The following VWA5B1 variants were observed in gnomAD, a reference collection of about 807,000 sequenced individuals.
VWA5B1 encodes the protein von Willebrand factor A domain-containing protein 5B1.
A neutral mutation model predicts 118.2 loss-of-function variants in VWA5B1; 115 were observed. That is an observed-to-expected ratio of 0.97 (90% CI 0.84 to 1.14). The LOEUF (loss-of-function observed/expected upper bound fraction) is 1.14, where lower values mean the gene tolerates loss of function less well. Among genes scored for constraint, VWA5B1 ranks in the 50% most tolerant of loss-of-function variants. The pLI is 0.00. For synonymous variants in VWA5B1, 682 were observed against 658.4 expected, an observed-to-expected ratio of 1.04 and a Z score of -0.55; for missense variants, 1,596 against 1,603.8, an observed-to-expected ratio of 1.00 and a Z score of 0.08.
intron 17 of VWA5B1, among the ~76,000 whole-genome samples, chr1:20,347,764 A>C (rs2090038373): frequency 6.6e-6 from 1 of 152,008 alleles, no homozygotes; most frequent in African/African-American, 2.4e-5. Context: ...TGCCCAGCCC[A>C]GGGTGCTGTA....
intron 1 of VWA5B1, among the ~76,000 whole-genome samples, chr1:20,296,305 A>T (rs1417026323): frequency 6.6e-6 from 1 of 152,346 alleles, no homozygotes; most frequent in African/African-American, 2.4e-5. Flanking sequence ...CATGTCCATC[A>T]GTTTCTCCGT....
chr1:20,312,394 T>C lies in VWA5B1; in HGVS notation c.140-442T>C, dbSNP rs566915520. ...GTGGTGCCAGGAGGCCTAGAGAAGCTAAGTGTCTTATCCAAGGTCACCTGG... is the reference window on the plus strand; with the variant it reads ...GTGGTGCCAGGAGGCCTAGAGAAGCCAAGTGTCTTATCCAAGGTCACCTGG... On this transcript the variant is annotated intron_variant, in intron 2 of 21. Transcript: ENST00000289815. Among the ~76,000 whole-genome samples, 44 of 152,314 alleles carry C rather than the reference T, an allele frequency of 2.9e-4. 2 individuals carry two copies. The highest frequency in any genetic ancestry group is 2.5e-3 in the Admixed American group (38 of 15,306).
chr1:20,336,613 A>C, intron 13 of VWA5B1, 127 bp downstream of exon 13: 2 of 1,074,356 alleles, frequency 1.9e-6, no homozygotes, highest in Non-Finnish European at 2.4e-6. Context: ...CCCACTTTAC[A>C]GATGAGGAAA....
At chr1:20,319,276 A>T in intron 6 of VWA5B1, 106 bp from the exon 7 acceptor site, 1 of 1,470,410 alleles carries the variant, frequency 6.8e-7, no homozygotes, top group Non-Finnish European at 9.1e-7. Flanking sequence ...CCCGCTTCCA[A>T]ATGGGAGTCC....
intron 8 of VWA5B1, among the ~76,000 whole-genome samples, chr1:20,327,650 C>CGAT (rs1220933586): frequency 6.8e-5 from 10 of 147,404 alleles, no homozygotes; most frequent in African/African-American, 1.6e-4. Context: ...ACGACGACGA[C>CGAT]GATGATGATG....
At position 20,292,147 on chromosome 1, in the gene VWA5B1, T is replaced by C. The variant is rs76530989; in HGVS notation, c.-27+1059T>C. On this transcript the variant is annotated intron_variant, in intron 1 of 21. Coordinates refer to ENST00000289815, the MANE Select transcript of VWA5B1 (RefSeq NM_001039500.3). ...TTTCTCTTTTCTTTCCCTCTCTTTC[T>C]TTCTCTCTCTCTCTTTCTTTCCTCC... 5.6e-4 allele frequency among the ~76,000 whole-genome samples: 85 copies of C among 152,168 alleles called. 2 individuals are homozygous for C. In the East Asian group the frequency reaches 0.016, roughly 29 times the overall value.
Position 20,311,314 on chromosome 1 carries a change from G to A in VWA5B1, c.139+574G>A, listed in dbSNP as rs377407443. On this transcript the variant is annotated intron_variant, in intron 2 of 21. Transcript: ENST00000289815. ...AGTCCACAAGGCACACTGTCCACAG[G>A]TCAGTCCCACACTTTCTCCAGGGAG... 4.6e-4 allele frequency among the ~76,000 whole-genome samples: 70 copies of A among 152,320 alleles called. No homozygotes were observed. The East Asian group carries it at 0.012, about 26-fold the overall frequency.
rs745879850 is a variant in VWA5B1, at chr1:20,314,586, C to T, written c.557C>T (p.Ala186Val). ...TKSTGTSNQQAQGKDRHCFGA... is the reference protein window; with the variant it reads ...TKSTGTSNQQVQGKDRHCFGA... ...AGCACTGGCACCTCCAACCAACAGG[C>T]CCAGGGGTAAGGAAGCCCTGCCCAG... is the stretch of plus-strand genomic sequence containing the variant. The change falls in exon 4 of 22, where the codon GCC (alanine) becomes GTC (valine). Residue 186 changes from alanine to valine, a missense_variant. Ala to Val is a moderately conservative substitution (Grantham distance 64). Transcript: ENST00000289815. 7 of 1,551,144 alleles carry T rather than the reference C, an allele frequency of 4.5e-6. No individual in the cohort carries two copies. The highest frequency in any genetic ancestry group is 6.1e-6 in the Non-Finnish European group (7 of 1,146,898).
chr1:20,353,009 G>A (rs934077286), intron 21 of VWA5B1, among the ~76,000 whole-genome samples: 2 of 152,156 alleles, frequency 1.3e-5, no homozygotes, highest in Admixed American at 6.5e-5. Context: ...GGTCTGGTTT[G>A]GTTGGGGAGT....
At chr1:20,330,457 G>A in intron 10 of VWA5B1, 75 bp downstream of exon 10, 1 of 1,509,152 alleles carries the variant, frequency 6.6e-7, no homozygotes, top group Non-Finnish European at 9.0e-7. Context: ...CAAGGGCAAT[G>A]TGGAAAATGC....
At chr1:20,292,776 T>A (rs1273245998) in intron 1 of VWA5B1, among the ~76,000 whole-genome samples, 1 of 152,212 alleles carries the variant, frequency 6.6e-6, no homozygotes, top group Non-Finnish European at 1.5e-5. Context: ...GGCATCTGTC[T>A]GCAGGGATAG....
At chr1:20,346,096 GCCACT>G (rs2090002401) in intron 17 of VWA5B1, among the ~76,000 whole-genome samples, 2 of 152,170 alleles carry the variant, frequency 1.3e-5, no homozygotes, top group Non-Finnish European at 2.9e-5. Context: ...CGTGGAAAGT[GCCACT>G]CCATGAAATG....
At position 20,290,960 on chromosome 1, in the gene VWA5B1, G is replaced by C. The variant is rs980416295; in HGVS notation, c.-155G>C. ...TGATCAAGCCAGCTGCCAGGGCAGCGGGCGCAGGGCTTGGGCACTGGAGCC... is the reference window on the plus strand; with the variant it reads ...TGATCAAGCCAGCTGCCAGGGCAGCCGGCGCAGGGCTTGGGCACTGGAGCC... On this transcript the variant is annotated 5_prime_UTR_variant, in exon 1 of 22. Coordinates refer to ENST00000289815, the MANE Select transcript of VWA5B1 (RefSeq NM_001039500.3). 8 of 152,126 alleles carry C rather than the reference G, an allele frequency of 5.3e-5. No homozygotes were observed. Among genetic ancestry groups the C allele is most frequent in the Admixed American group, 3.9e-4 (6 of 15,268 alleles). The allele number at this position is 152,126 out of a possible 1,614,324, so 9.4% of individuals were successfully genotyped here. A position where few individuals can be genotyped will look rare whatever the true frequency, so the allele number is the denominator to read the frequency against.
At chr1:20,326,729 G>A (rs534937507) in intron 8 of VWA5B1, among the ~76,000 whole-genome samples, 23 of 151,910 alleles carry the variant, frequency 1.5e-4, no homozygotes, top group Non-Finnish European at 2.5e-4. Context: ...GATTACAAGC[G>A]TGAGTTACCG....
rs1476809597 is a variant in VWA5B1 at position 20,330,354 on chromosome 1, C to A, written c.1429C>A (p.Leu477Met). 2 of 1,551,650 alleles carry A rather than the reference C, an allele frequency of 1.3e-6. No homozygotes were observed. Among genetic ancestry groups the A allele is most frequent in the East Asian group, 2.4e-5 (1 of 40,920 alleles). Reference sequence around the variant, plus strand: ...CAACAACACAGGGAAGGTGCTGGAGCTGGTGCGAAATCACGCCTTCTCCAC... The same window carrying A: ...CAACAACACAGGGAAGGTGCTGGAGATGGTGCGAAATCACGCCTTCTCCAC... ...AVNNTGKVLE[L>M]VRNHAFSTRC... Residue 477 changes from leucine (L) to methionine (M), a missense_variant, in exon 10 of 22, where the codon CTG becomes ATG. Transcript: ENST00000289815.
At chr1:20,351,789 AGAGT>A (rs2090136002) in intron 20 of VWA5B1, among the ~76,000 whole-genome samples, 1 of 152,228 alleles carries the variant, frequency 6.6e-6, no homozygotes, top group Non-Finnish European at 1.5e-5. Context: ...CCTAGGTGAC[AGAGT>A]GAGATCCTGT....
rs1218567838 is a variant in VWA5B1, at chr1:20,318,577, C to G, written c.710-13C>G. The G allele has an allele frequency of 6.4e-7, 1 of 1,551,344 alleles. No individual in the cohort carries two copies. The highest frequency in any genetic ancestry group is 2.0e-5 in the Admixed American group (1 of 50,988). On this transcript the variant is annotated splice_polypyrimidine_tract_variant and intron_variant, in intron 5 of 21. Transcript: ENST00000289815. ...ATGAGCCTATATCCCCCTTGCCTTT[C>G]TATGCCACTCAGGGGTGGAGAGTCC... is the stretch of plus-strand genomic sequence containing the variant.
rs370976049 is a variant in VWA5B1, at chr1:20,318,720, C to A, written c.840C>A (p.Ser280Arg). The A allele has an allele frequency of 2.6e-4, 384 of 1,485,998 alleles. No individual in the cohort carries two copies. In the African/African-American group the frequency reaches 5.1e-3, roughly 20 times the overall value. The allele number at this position is 1,485,998 out of a possible 1,614,324, so 92.1% of individuals were successfully genotyped here. Residue 280 changes from serine (S) to arginine (R), a missense_variant and splice_region_variant, in exon 6 of 22, where the codon AGC becomes AGA. By Grantham distance (110) the Ser-to-Arg change is moderately radical. Transcript: ENST00000289815. ...CTGTGGAGATCCTCATCCACCCCAG[C>A]GGTACGGTGCCCCACAACGGGCCCC... ...DRPVEILIHPSEPHMPHVLIE... is the reference protein window; with the variant it reads ...DRPVEILIHPREPHMPHVLIE...
chr1:20,336,924 A>G (rs1434510731), intron 13 of VWA5B1, among the ~76,000 whole-genome samples: 2 of 152,124 alleles, frequency 1.3e-5, no homozygotes, highest in African/African-American at 4.8e-5. Flanking sequence ...TTAACAAACT[A>G]TGGGAATCCC....
Sources: allele counts gnomAD v4.1 joint callset (sites outside exome capture counted in the v4.1 genomes callset), GRCh38; gene constraint gnomAD v4.1.1; transcripts MANE v1.5; gene names NCBI Gene and HGNC (gene_info 2026-07-23, HGNC 2026-07-21).